The following RALY variants were observed in gnomAD, a reference collection of about 807,000 sequenced individuals.
The protein encoded by RALY is RNA-binding protein Raly.
Under a neutral mutation model 30.7 loss-of-function variants are expected in RALY, and 15 were observed. That is an observed-to-expected ratio of 0.49 (90% confidence interval 0.33 to 0.75). The LOEUF is 0.75. Ranked by LOEUF, RALY falls within the 30% of genes least tolerant of loss-of-function variation. The pLI is 0.02. For missense variants in RALY, 339 were observed against 414.3 expected (o/e 0.82, Z 1.58); for synonymous variants, 177 against 170.8 (o/e 1.04, Z -0.28).
chr20:34,040,234 C>T (rs753184684), intron 2 of RALY, among the ~76,000 whole-genome samples: 1 of 152,166 alleles, frequency 6.6e-6, no homozygotes, highest in Non-Finnish European at 1.5e-5. Context: ...ACACCCGAAT[C>T]CAGATCTCTT....
At chr20:33,996,907 A>C (rs1031842142) in intron 1 of RALY, among the ~76,000 whole-genome samples, 2 of 152,186 alleles carry the variant, frequency 1.3e-5, no homozygotes, top group African/African-American at 4.8e-5. Context: ...CAAAGCTGGC[A>C]CACTTAGTGT....
intron 1 of RALY, among the ~76,000 whole-genome samples, chr20:33,995,397 G>T (rs893358705): frequency 1.3e-5 from 2 of 152,138 alleles, no homozygotes; most frequent in Non-Finnish European, 2.9e-5. Context: ...TAGATTTATC[G>T]ATCCTAGTTT....
chr20:34,020,456 G>C (rs546931760), intron 1 of RALY, among the ~76,000 whole-genome samples: 7 of 152,342 alleles, frequency 4.6e-5, no homozygotes, highest in Admixed American at 4.6e-4. Context: ...TGCAGGAAAA[G>C]GATGTGGTAG....
chr20:34,020,345 T>C (rs1305580200), intron 1 of RALY, among the ~76,000 whole-genome samples: 3 of 152,138 alleles, frequency 2.0e-5, no homozygotes, highest in African/African-American at 7.2e-5. Flanking sequence ...GAGTAGATAA[T>C]ATTGGCAAAG....
At chr20:34,059,051 CAT>C (rs2033340521) in intron 2 of RALY, among the ~76,000 whole-genome samples, 1 of 152,112 alleles carries the variant, frequency 6.6e-6, no homozygotes, top group Non-Finnish European at 1.5e-5. Flanking sequence ...GTAGACCAAA[CAT>C]GTGACACTGT....
chr20:34,010,920 G>A (rs992549876), intron 1 of RALY, among the ~76,000 whole-genome samples: 2 of 151,366 alleles, frequency 1.3e-5, no homozygotes, highest in African/African-American at 4.9e-5. Context: ...ATTATATCTC[G>A]GCTGAACTGT....
At chr20:34,069,199 T>TG (rs1216223342) in intron 2 of RALY, among the ~76,000 whole-genome samples, 10 of 152,190 alleles carry the variant, frequency 6.6e-5, no homozygotes, top group African/African-American at 2.4e-4. Context: ...GGTTCGCAGA[T>TG]GGCAGTATTG....
At chr20:34,018,004 CTG>C (rs1034665460) in intron 1 of RALY, among the ~76,000 whole-genome samples, 11 of 152,126 alleles carry the variant, frequency 7.2e-5, no homozygotes, top group African/African-American at 2.7e-4. Context: ...TAATTATGAT[CTG>C]TGTTTTGAAG....
chr20:34,053,383 ATTTTTTTT>A (rs60912814), intron 2 of RALY, among the ~76,000 whole-genome samples: 33 of 54,142 alleles, frequency 6.1e-4, no homozygotes, highest in African/African-American at 1.7e-3. Flanking sequence ...ATGTTCAATA[ATTTTTTTT>A]TTTTTTTTTT....
chr20:34,002,126 A>G (rs1164854056), intron 1 of RALY, among the ~76,000 whole-genome samples: 2 of 152,150 alleles, frequency 1.3e-5, no homozygotes, highest in African/African-American at 4.8e-5. Flanking sequence ...GTTTTTGCGG[A>G]TACCTGTAAG....
At chr20:34,010,668 TAAAGA>T (rs1223770166) in intron 1 of RALY, among the ~76,000 whole-genome samples, 1 of 152,190 alleles carries the variant, frequency 6.6e-6, no homozygotes, top group Non-Finnish European at 1.5e-5. Flanking sequence ...ATTTTCCAGA[TAAAGA>T]GAGGAAGCTA....
At chr20:34,028,210 C>G (rs2032118090) in intron 1 of RALY, among the ~76,000 whole-genome samples, 1 of 151,778 alleles carries the variant, frequency 6.6e-6, no homozygotes, top group South Asian at 2.1e-4. Context: ...CGCTTGAAAC[C>G]AGGAGGCGGA....
At chr20:34,062,555 G>A (rs973999793) in intron 2 of RALY, among the ~76,000 whole-genome samples, 2 of 152,198 alleles carry the variant, frequency 1.3e-5, no homozygotes, top group African/African-American at 4.8e-5. Flanking sequence ...TTGGGCCTGG[G>A]CCTATGGCAG....
intron 1 of RALY, among the ~76,000 whole-genome samples, chr20:34,025,523 C>T (rs767076501): frequency 6.6e-5 from 10 of 151,936 alleles, no homozygotes; most frequent in Non-Finnish European, 1.3e-4. Context: ...AGGCTGGTGT[C>T]GAACTCCTGA....
intron 1 of RALY, among the ~76,000 whole-genome samples, chr20:33,995,413 G>C (rs1164480675): frequency 6.6e-6 from 1 of 152,164 alleles, no homozygotes; most frequent in Non-Finnish European, 1.5e-5. Context: ...AGTTTGATGG[G>C]GGTTAGGGGG....
At chr20:34,054,757 T>A (rs1177899953) in intron 2 of RALY, among the ~76,000 whole-genome samples, 1 of 148,644 alleles carries the variant, frequency 6.7e-6, no homozygotes, top group Non-Finnish European at 1.5e-5. Flanking sequence ...ACCTGGGAGG[T>A]GGAGGTTGCA....
intron 1 of RALY, among the ~76,000 whole-genome samples, chr20:34,005,419 G>C (rs912478377): frequency 6.6e-6 from 1 of 151,950 alleles, no homozygotes; most frequent in Non-Finnish European, 1.5e-5. Context: ...TGAAGCAGGA[G>C]AATCACTTGA....
intron 1 of RALY, among the ~76,000 whole-genome samples, chr20:34,024,422 A>G (rs1282464926): frequency 1.3e-5 from 2 of 152,220 alleles, no homozygotes; most frequent in Admixed American, 6.5e-5. Context: ...AAAACTAGAG[A>G]TAGCTTCAGC....
At chr20:34,020,592 A>G (rs764366242) in intron 1 of RALY, among the ~76,000 whole-genome samples, 2 of 152,256 alleles carry the variant, frequency 1.3e-5, no homozygotes, top group African/African-American at 4.8e-5. Context: ...AGAACATGTC[A>G]GCAAACTGGT....
Sources: allele counts gnomAD v4.1 joint callset (sites outside exome capture counted in the v4.1 genomes callset), GRCh38; gene constraint gnomAD v4.1.1; transcripts MANE v1.5; gene names NCBI Gene and HGNC (gene_info 2026-07-23, HGNC 2026-07-21).